The following HDAC8 variants were observed in gnomAD, a reference collection of about 807,000 sequenced individuals.
HDAC8 encodes the protein histone deacetylase 8.
Under a neutral mutation model 32.2 loss-of-function variants are expected in HDAC8, and 1 was observed. The ratio of observed to expected loss-of-function variants is 0.03; its 90% CI spans 0.01 to 0.15. The LOEUF is 0.15. HDAC8 is among the 10% of genes least tolerant of loss of function. The pLI is 1.00. For missense variants in HDAC8, 117 were observed against 300.0 expected (o/e 0.39, Z 4.51); for synonymous variants, 108 against 113.9 (o/e 0.95, Z 0.33).
At chrX:72,468,449 G>GA (rs1397860806) in intron 7 of HDAC8, among the ~76,000 whole-genome samples, 10 of 109,415 alleles carry the variant, frequency 9.1e-5, no homozygotes, top group Non-Finnish European at 1.7e-4. Flanking sequence ...TCCCAGGACG[G>GA]AAAAAAAAAT....
chrX:72,560,658 A>G (rs2051524389), intron 4 of HDAC8, among the ~76,000 whole-genome samples: 1 of 108,465 alleles, frequency 9.2e-6, no homozygotes, highest in South Asian at 4.1e-4. Context: ...GTATTTCGCC[A>G]TTATGAATGA....
chrX:72,373,435 T>A (rs2044949123), intron 9 of HDAC8, among the ~76,000 whole-genome samples: 1 of 112,595 alleles, frequency 8.9e-6, no homozygotes, highest in Non-Finnish European at 1.9e-5. Flanking sequence ...TGGATTTTCA[T>A]ATTCTGGACA....
intron 9 of HDAC8, among the ~76,000 whole-genome samples, chrX:72,459,828 GT>G (rs2047820124): frequency 1.8e-5 from 2 of 111,806 alleles, no homozygotes; most frequent in African/African-American, 6.5e-5. Context: ...TCTACCATTT[GT>G]TAATCTGATT....
chrX:72,379,152 C>G (rs2045188078), intron 9 of HDAC8, among the ~76,000 whole-genome samples: 1 of 111,285 alleles, frequency 9.0e-6, no homozygotes, highest in South Asian at 3.8e-4. Context: ...GCCACTATGC[C>G]CGGCCACCAT....
chrX:72,537,813 A>C (rs1201237498), intron 4 of HDAC8, among the ~76,000 whole-genome samples: 1 of 112,179 alleles, frequency 8.9e-6, no homozygotes, highest in Non-Finnish European at 1.9e-5. Flanking sequence ...CTTATGCCTT[A>C]CCTTTGTCCT....
intron 9 of HDAC8, among the ~76,000 whole-genome samples, chrX:72,420,725 T>C (rs2046464593): frequency 8.9e-6 from 1 of 112,015 alleles, no homozygotes; most frequent in African/African-American, 3.2e-5. Context: ...ACGTCTGACT[T>C]TGACTTTTAT....
At chrX:72,495,869 G>A (rs1556012757) in intron 4 of HDAC8, among the ~76,000 whole-genome samples, 1 of 112,189 alleles carries the variant, frequency 8.9e-6, no homozygotes, top group Admixed American at 9.4e-5. Context: ...ACAACGAAGA[G>A]TGAAGCAGTC....
intron 9 of HDAC8, among the ~76,000 whole-genome samples, chrX:72,434,626 G>C (rs1452789554): frequency 8.9e-6 from 1 of 111,827 alleles, no homozygotes; most frequent in East Asian, 2.8e-4. Flanking sequence ...ACCATACTCA[G>C]TTTCTACACT....
chrX:72,510,498 G>A (rs1247739359), intron 4 of HDAC8, among the ~76,000 whole-genome samples: 1 of 111,622 alleles, frequency 9.0e-6, no homozygotes, highest in Admixed American at 9.5e-5. Context: ...AGTGCTGGAA[G>A]GCCAGTTTTT....
At chrX:72,417,523 G>T (rs76321505) in intron 9 of HDAC8, among the ~76,000 whole-genome samples, 5 of 111,507 alleles carry the variant, frequency 4.5e-5, no homozygotes, top group African/African-American at 6.5e-5. Context: ...GGAGGTGAAA[G>T]ATTTCTACAA....
chrX:72,561,484 T>C (rs782366282), intron 4 of HDAC8, among the ~76,000 whole-genome samples: 12 of 112,188 alleles, frequency 1.1e-4, no homozygotes, highest in African/African-American at 3.9e-4. Context: ...AAGCCACATG[T>C]AGAAGAATGT....
At chrX:72,514,456 T>A (rs998391325) in intron 4 of HDAC8, among the ~76,000 whole-genome samples, 9 of 112,202 alleles carry the variant, frequency 8.0e-5, no homozygotes, top group Non-Finnish European at 3.8e-5. Flanking sequence ...TCACTGTGCA[T>A]GTTCAGGCAC....
chrX:72,370,010 C>T (rs782423116), intron 9 of HDAC8, among the ~76,000 whole-genome samples: 4 of 111,955 alleles, frequency 3.6e-5, no homozygotes, highest in Admixed American at 9.4e-5. Context: ...CCCACTCCAC[C>T]GCAAGGTGAC....
At chrX:72,435,695 C>G (rs990134016) in intron 9 of HDAC8, among the ~76,000 whole-genome samples, 5 of 111,813 alleles carry the variant, frequency 4.5e-5, no homozygotes, top group Non-Finnish European at 9.4e-5. Context: ...TGGCTAGGCA[C>G]AGTGGCTCAC....
intron 9 of HDAC8, among the ~76,000 whole-genome samples, chrX:72,390,436 T>A (rs886204142): frequency 8.9e-6 from 1 of 112,495 alleles, no homozygotes. Context: ...TTCTAGCTAT[T>A]TGAAAATATA....
chrX:72,423,380 G>A (rs2046545842), intron 9 of HDAC8, among the ~76,000 whole-genome samples: 1 of 111,329 alleles, frequency 9.0e-6, no homozygotes, highest in Admixed American at 9.5e-5. Context: ...CACTCTTTTA[G>A]CTGCTGCTTC....
chrX:72,548,248 C>T (rs1170437891), intron 4 of HDAC8, among the ~76,000 whole-genome samples: 6 of 111,634 alleles, frequency 5.4e-5, no homozygotes, highest in African/African-American at 1.6e-4. Flanking sequence ...AGTGCAGGTT[C>T]CTATGTACTA....
At chrX:72,387,481 A>G (rs1424719404) in intron 9 of HDAC8, among the ~76,000 whole-genome samples, 2 of 111,689 alleles carry the variant, frequency 1.8e-5, no homozygotes, top group African/African-American at 6.5e-5. Context: ...CCAGGCTCCA[A>G]GTAAATAACA....
intron 8 of HDAC8, chrX:72,462,562 A>G (rs1386947642): frequency 8.8e-6 from 1 of 113,086 alleles, no homozygotes; most frequent in East Asian, 2.8e-4. Context: ...AGGAAAGAGA[A>G]AAGGAAAATG....
Sources: allele counts gnomAD v4.1 joint callset (sites outside exome capture counted in the v4.1 genomes callset), GRCh38; gene constraint gnomAD v4.1.1; transcripts MANE v1.5; gene names NCBI Gene and HGNC (gene_info 2026-07-23, HGNC 2026-07-21).